Variants in RNF180 observed in about 807,000 individuals in gnomAD.
RNF180 encodes E3 ubiquitin-protein ligase RNF180.
RNF180 carries 38 observed loss-of-function variants against 59.2 expected under a neutral mutation model. That is an observed-to-expected ratio of 0.64 (90% CI 0.50 to 0.84). RNF180 has a LOEUF of 0.84. RNF180 is among the 40% of genes least tolerant of loss of function. RNF180 has a pLI of 0.00. For synonymous variants in RNF180, 262 were observed against 240.3 expected (o/e 1.09, Z -0.84); for missense variants, 705 against 700.9 (o/e 1.01, Z -0.07).
rs79911354 is a variant in RNF180, at chr5:64,261,660, A to G, written c.1227+44264A>G. Among the ~76,000 whole-genome samples, 6 of 152,230 alleles carry G rather than the reference A, an allele frequency of 3.9e-5. No individual in the cohort carries two copies. In the East Asian group the frequency reaches 7.7e-4, roughly 20 times the overall value. Reference sequence around the variant, plus strand: ...CGTTGTGTTTCTTTCTGAAAATGCTATTATCTGGTTGAATGTTACAAACAT... The same window carrying G: ...CGTTGTGTTTCTTTCTGAAAATGCTGTTATCTGGTTGAATGTTACAAACAT... On this transcript the variant is annotated intron_variant, in intron 5 of 7. Transcript: ENST00000389100.
chr5:64,216,476 C>A (rs1752634176), intron 4 of RNF180, among the ~76,000 whole-genome samples: 1 of 152,008 alleles, frequency 6.6e-6, no homozygotes, highest in Non-Finnish European at 1.5e-5. Context: ...GATAAACATA[C>A]AATATGTAAA....
chr5:64,285,672 G>A (rs748742315), intron 5 of RNF180, among the ~76,000 whole-genome samples: 5 of 152,070 alleles, frequency 3.3e-5, no homozygotes, highest in Admixed American at 6.5e-5. Flanking sequence ...AGCTAGGCTG[G>A]GGCCCCCACA....
At chr5:64,353,137 T>G (rs1385352995) in intron 7 of RNF180, among the ~76,000 whole-genome samples, 2 of 151,852 alleles carry the variant, frequency 1.3e-5, no homozygotes, top group Non-Finnish European at 2.9e-5. Context: ...TGAATTTAAG[T>G]TTTTAATACA....
chr5:64,234,578 CTTTTTTTTTTTTTTT>C (rs1171637074), intron 5 of RNF180, among the ~76,000 whole-genome samples: 197 of 48,480 alleles, frequency 4.1e-3, no homozygotes, highest in African/African-American at 7.8e-3. Context: ...GTTACCCGTT[CTTTTTTTTTTTTTTT>C]TTTTTTTTTT....
intron 5 of RNF180, among the ~76,000 whole-genome samples, chr5:64,243,852 T>C (rs530694952): frequency 4.7e-4 from 71 of 152,124 alleles, no homozygotes; most frequent in Non-Finnish European, 8.5e-4. Context: ...CTGGCTAGCA[T>C]CTGGTGGGTG....
chr5:64,339,529 A>G (rs1324309338), intron 7 of RNF180, among the ~76,000 whole-genome samples: 3 of 152,184 alleles, frequency 2.0e-5, no homozygotes, highest in African/African-American at 7.2e-5. Context: ...ATACCACACT[A>G]TTTCATATAA....
intron 5 of RNF180, among the ~76,000 whole-genome samples, chr5:64,318,003 T>TA (rs1489199964): frequency 6.6e-6 from 1 of 152,166 alleles, no homozygotes; most frequent in Non-Finnish European, 1.5e-5. Context: ...GCACTGAAAG[T>TA]AAAAAACAGA....
intron 5 of RNF180, among the ~76,000 whole-genome samples, chr5:64,259,514 C>T (rs188043019): frequency 2.0e-4 from 30 of 152,198 alleles, no homozygotes; most frequent in African/African-American, 6.8e-4. Context: ...TGTATCTACT[C>T]ACCAAGACTT....
chr5:64,171,864 G>T (rs1229823693), intron 1 of RNF180, among the ~76,000 whole-genome samples: 1 of 151,864 alleles, frequency 6.6e-6, no homozygotes, highest in East Asian at 1.9e-4. Context: ...ATAACTAACA[G>T]CATCTGGGTA....
chr5:64,344,209 G>A (rs1032324712), intron 7 of RNF180, among the ~76,000 whole-genome samples: 3 of 151,940 alleles, frequency 2.0e-5, no homozygotes, highest in Middle Eastern at 3.2e-3. Context: ...ATAAGAGATG[G>A]CATTTAAATA....
At chr5:64,310,120 C>G (rs1743688749) in intron 5 of RNF180, among the ~76,000 whole-genome samples, 1 of 151,760 alleles carries the variant, frequency 6.6e-6, no homozygotes, top group Non-Finnish European at 1.5e-5. Flanking sequence ...TAGTCGGTAT[C>G]ATTCATGAAG....
Position 64,356,964 on chromosome 5 carries a change from A to G in RNF180, c.1580-12651A>G, listed in dbSNP as rs139348616. 1.4e-3 allele frequency among the ~76,000 whole-genome samples: 209 copies of G among 152,008 alleles called. 1 individual carries two copies. The highest frequency in any genetic ancestry group is 4.8e-3 in the African/African-American group (200 of 41,540). On this transcript the variant is annotated intron_variant, in intron 7 of 7. Coordinates refer to ENST00000389100, the MANE Select transcript of RNF180 (RefSeq NM_001113561.2). Reference sequence around the variant, plus strand: ...CTGAGTTGTACACTTAAAATTGGTTAAAATGACAAATGTTATGTTATATAT... The same window carrying G: ...CTGAGTTGTACACTTAAAATTGGTTGAAATGACAAATGTTATGTTATATAT...
chr5:64,192,930 TATATATATAA>T (rs1308929009), intron 1 of RNF180, among the ~76,000 whole-genome samples: 48 of 118,160 alleles, frequency 4.1e-4, no homozygotes, highest in African/African-American at 1.8e-3. Flanking sequence ...TATATATATA[TATATATATAA>T]AATGAAACAT....
At chr5:64,307,025 A>G (rs1055533846) in intron 5 of RNF180, among the ~76,000 whole-genome samples, 2 of 151,436 alleles carry the variant, frequency 1.3e-5, no homozygotes, top group African/African-American at 4.8e-5. Context: ...AGATGTGACC[A>G]TAAAATGGTT....
intron 5 of RNF180, among the ~76,000 whole-genome samples, chr5:64,235,313 C>A (rs754543115): frequency 6.6e-6 from 1 of 151,928 alleles, no homozygotes; most frequent in African/African-American, 2.4e-5. Flanking sequence ...CCAAAGCAGG[C>A]TATATGAGTA....
chr5:64,317,705 G>A (rs150354870), intron 5 of RNF180, among the ~76,000 whole-genome samples: 31 of 151,778 alleles, frequency 2.0e-4, no homozygotes, highest in African/African-American at 7.5e-4. Context: ...GTGGATGCCT[G>A]AAGCAGCAGG....
rs151264735 is a variant in RNF180 at position 64,340,840 on chromosome 5, T to G, written c.1579+10434T>G. ...GACCCAAATGACTTATAATGCAAAT[T>G]GTACATTTTGTTCAACTATCACCAC... On this transcript the variant is annotated intron_variant, in intron 7 of 7. Coordinates refer to ENST00000389100, the MANE Select transcript of RNF180 (RefSeq NM_001113561.2). Among the ~76,000 whole-genome samples the G allele has an allele frequency of 7.2e-5, 11 of 152,292 alleles. No individual in the cohort carries two copies. The East Asian group carries it at 2.1e-3, about 29-fold the overall frequency.
intron 5 of RNF180, among the ~76,000 whole-genome samples, chr5:64,276,686 A>T (rs10045976): frequency 0.25 from 38,633 of 151,778 alleles, 5,058 homozygotes; most frequent in Middle Eastern, 0.32. Context: ...TTGATTTATT[A>T]AAAAAATTTA....
chr5:64,211,982 T>C (rs1439247621), intron 2 of RNF180, 83 bp from the exon 3 acceptor site: 2 of 753,736 alleles, frequency 2.7e-6, no homozygotes, highest in Non-Finnish European at 4.4e-6. Context: ...AGAATTTGTA[T>C]TTTTGAGTTT....
Sources: allele counts gnomAD v4.1 joint callset (sites outside exome capture counted in the v4.1 genomes callset), GRCh38; gene constraint gnomAD v4.1.1; transcripts MANE v1.5; gene names NCBI Gene and HGNC (gene_info 2026-07-23, HGNC 2026-07-21).